GRK2: variants seen among roughly 807,000 people sequenced by gnomAD.
GRK2 encodes the protein G protein-coupled receptor kinase 2, also known as adrenergic beta receptor kinase 1.
Under a neutral mutation model 97.8 loss-of-function variants are expected in GRK2, and 23 were observed. That is an observed-to-expected ratio of 0.24 (90% CI 0.17 to 0.33). The LOEUF is 0.33. Among genes scored for constraint, GRK2 ranks in the 10% least tolerant of loss-of-function variants. The probability of loss-of-function intolerance (pLI) is 1.00; values close to 1 mark genes in which losing one functional copy is unlikely to be tolerated. For synonymous variants in GRK2, 425 were observed against 381.7 expected (o/e 1.11, Z -1.32); for missense variants, 633 against 956.9 (o/e 0.66, Z 4.47).
intron 1 of GRK2, among the ~76,000 whole-genome samples, chr11:67,267,537 C>T (rs1859824854): frequency 6.6e-6 from 1 of 152,220 alleles, no homozygotes; most frequent in African/African-American, 2.4e-5. Context: ...CTACATTTCT[C>T]CTCTGGCAGG....
intron 15 of GRK2, 105 bp downstream of exon 15, chr11:67,283,333 G>A: frequency 1.9e-6 from 2 of 1,055,814 alleles, no homozygotes; most frequent in Non-Finnish European, 2.9e-6. Flanking sequence ...CCTCCTTGGA[G>A]GAGCTCATAA....
chr11:67,279,474 G>T lies in GRK2; in HGVS notation c.321G>T (p.Glu107Asp). 1 of 1,613,302 alleles carries T rather than the reference G, an allele frequency of 6.2e-7. No individual in the cohort carries two copies. Among genetic ancestry groups the T allele is most frequent in the Non-Finnish European group, 8.5e-7 (1 of 1,180,028 alleles). The change falls in exon 4 of 21, where the codon GAG (glutamate) becomes GAT (aspartate). Residue 107 changes from glutamate to aspartate, a missense_variant. Physicochemically the swap from Glu to Asp is conservative, Grantham distance 45. Coordinates refer to ENST00000308595, the MANE Select transcript of GRK2 (RefSeq NM_001619.5). The part of the protein sequence containing the change: ...TEEERVARSR[E>D]IFDSYIMKEL... ...AGGAGCGTGTGGCCCGCAGCCGGGA[G>T]ATCTTCGACTCATACATCATGAAGG...
At chr11:67,273,770 G>A (rs1335037441) in intron 1 of GRK2, among the ~76,000 whole-genome samples, 2 of 152,140 alleles carry the variant, frequency 1.3e-5, no homozygotes, top group African/African-American at 2.4e-5. Context: ...ATGCCCAGGC[G>A]TGGCTGCTGA....
intron 1 of GRK2, among the ~76,000 whole-genome samples, chr11:67,271,198 G>A (rs952533090): frequency 6.6e-6 from 1 of 152,176 alleles, no homozygotes; most frequent in Non-Finnish European, 1.5e-5. Flanking sequence ...ACTCCCCGCC[G>A]GCTCCCCATG....
chr11:67,283,646 C>T (rs1860202896), intron 15 of GRK2, 61 bp from the exon 16 acceptor site: 2 of 1,548,044 alleles, frequency 1.3e-6, no homozygotes, highest in East Asian at 2.3e-5. Flanking sequence ...GTGGCTCAAT[C>T]AGGAGTTAAG....
At position 67,286,228 on chromosome 11, in the gene GRK2, G is replaced by A. The variant is rs943364645; in HGVS notation, c.*778G>A. 1.0e-4 allele frequency: 59 copies of A among 578,592 alleles called. No homozygotes were observed. The highest frequency in any genetic ancestry group is 2.0e-4 in the South Asian group (10 of 49,394). 35.8% of individuals were successfully genotyped at this position (578,592 alleles called of 1,614,324 possible). On this transcript the variant is annotated 3_prime_UTR_variant, in exon 21 of 21. Coordinates refer to ENST00000308595, the MANE Select transcript of GRK2 (RefSeq NM_001619.5). ...GGGTGCGACCCCATCTGCCCAGGAC[G>A]GGGCCGGCCAGGTGGGCGGGCAGCA...
In GRK2 at chr11:67,282,010, G is replaced by A. The variant is rs1425637857; in HGVS notation, c.957+58G>A. On this transcript the variant is annotated intron_variant, in intron 11 of 20. Transcript: ENST00000308595. The surrounding 1 kb of genome is among the most constrained non-coding windows in gnomAD (Gnocchi z 6.9). ...CCGTGGCTGTCCTCTCCTTCCTCTC[G>A]ACATCCCGGCCACCAGGCCCAGAGG... 11 of 1,604,850 alleles carry A rather than the reference G, an allele frequency of 6.9e-6. No homozygotes were observed. Among genetic ancestry groups the A allele is most frequent in the East Asian group, 2.2e-5 (1 of 44,774 alleles).
intron 2 of GRK2, 114 bp from the exon 3 acceptor site, chr11:67,279,086 C>T: frequency 1.1e-6 from 1 of 871,178 alleles, no homozygotes; most frequent in South Asian, 1.4e-5. Context: ...GCCGAGACCA[C>T]CTTTGCCACC....
At chr11:67,284,750 C>T (rs1348171703) in intron 18 of GRK2, 97 bp from the exon 19 acceptor site, 6 of 1,460,078 alleles carry the variant, frequency 4.1e-6, no homozygotes, top group Non-Finnish European at 5.5e-6. Flanking sequence ...GATTGTGCCA[C>T]AGCCCTCCAG....
Position 67,281,398 on chromosome 11 carries a change from T to C in GRK2, c.648-61T>C. 2.7e-6 allele frequency: 4 copies of C among 1,499,324 alleles called. No homozygotes were observed. Among genetic ancestry groups the C allele is most frequent in the South Asian group, 1.1e-5 (1 of 88,608 alleles). The allele number at this position is 1,499,324 out of a possible 1,614,324, so 92.9% of individuals were successfully genotyped here. A position where few individuals can be genotyped will look rare whatever the true frequency, so the allele number is the denominator to read the frequency against. ...TCTAGTCTTTCCCTCAAGCGCCCCC[T>C]GAGGCAGCCCTGGGCCCCTGCTCTG... is the stretch of plus-strand genomic sequence containing the variant. On this transcript the variant is annotated intron_variant, in intron 8 of 20. Coordinates refer to ENST00000308595, the MANE Select transcript of GRK2 (RefSeq NM_001619.5). This position sits in a 1 kb window ranked among gnomAD's most constrained non-coding sequence, Gnocchi z 5.7.
chr11:67,275,283 G>A (rs1017201543), intron 1 of GRK2, among the ~76,000 whole-genome samples: 3 of 152,152 alleles, frequency 2.0e-5, no homozygotes, highest in Non-Finnish European at 4.4e-5. Flanking sequence ...GCCCCCTCTC[G>A]AGGCCGAGGT....
In GRK2 at chr11:67,277,275, C is replaced by T. The variant is rs1860051635; in HGVS notation, c.117C>T (p.Ile39=). ...SKKILLPEPS[I]RSVMQKYLED... ...ACTGCGCCCCCCTGACCCACAGCAT[C>T]CGCAGTGTCATGCAGAAGTACCTGG... The change falls in exon 2 of 21, where the codon ATC becomes ATT. Residue 39 remains isoleucine, a synonymous_variant. Transcript: ENST00000308595. 2 of 1,613,634 alleles carry T rather than the reference C, an allele frequency of 1.2e-6. No individual in the cohort carries two copies. Among genetic ancestry groups the T allele is most frequent in the Non-Finnish European group, 1.7e-6 (2 of 1,179,948 alleles).
At position 67,274,495 on chromosome 11, in the gene GRK2, C is replaced by CTTTTTTTTTTTTTTTTTTTTTTTTTTTT. The variant is rs57767154; in HGVS notation, c.114-2750_114-2749insTTTTTTTTTTTTTTTTTTTTTTTTTTTT. On this transcript the variant is annotated intron_variant, in intron 1 of 20. Coordinates refer to ENST00000308595, the MANE Select transcript of GRK2 (RefSeq NM_001619.5). The stretch of plus-strand genomic sequence containing the variant: ...TCGCTACCTTCCGCTTGACCAGCAC[C>CTTTTTTTTTTTTTTTTTTTTTTTTTTTT]TTTTTTTTTTTTTTTTTTTTTTTTT... Among the ~76,000 whole-genome samples, 24 of 22,480 alleles carry CTTTTTTTTTTTTTTTTTTTTTTTTTTTT rather than the reference C, an allele frequency of 1.1e-3. 6 individuals carry two copies. The highest frequency in any genetic ancestry group is 7.1e-3 in the South Asian group (2 of 280). The allele number at this position is 22,480 out of a possible 152,430, so 14.7% of individuals were successfully genotyped here. A position where few individuals can be genotyped will look rare whatever the true frequency, so the allele number is the denominator to read the frequency against.
At chr11:67,273,377 G>C (rs1859951920) in intron 1 of GRK2, among the ~76,000 whole-genome samples, 1 of 152,212 alleles carries the variant, frequency 6.6e-6, no homozygotes, top group Non-Finnish European at 1.5e-5. Flanking sequence ...TGCTGACCTG[G>C]GTGGGGGACA....
At chr11:67,267,085 C>T (rs1859817647) in intron 1 of GRK2, among the ~76,000 whole-genome samples, 1 of 152,116 alleles carries the variant, frequency 6.6e-6, no homozygotes, top group South Asian at 2.1e-4. Flanking sequence ...CCCCTGGCCG[C>T]CCTGCTGCTT....
Position 67,281,468 on chromosome 11 carries a change from G to A in GRK2, c.657G>A (p.Met219Ile), listed in dbSNP as rs765388264. The change falls in exon 9 of 21, where the codon ATG becomes ATA. Residue 219 changes from methionine (M) to isoleucine (I), a missense_variant. Around this residue, in one of 4 missense-constraint regions of GRK2, gnomAD observed 192 missense variants for 362.3 expected, o/e 0.53. Transcript: ENST00000308595. This position sits in a 1 kb window ranked among gnomAD's most constrained non-coding sequence, Gnocchi z 5.7. ...RKADTGKMYA[M>I]KCLDKKRIKM... ...GACCTCTGCCCCGTAGGTACGCCAT[G>A]AAGTGCCTGGACAAAAAGCGCATCA... 3 of 1,613,582 alleles carry A rather than the reference G, an allele frequency of 1.9e-6. No homozygotes were observed. Among genetic ancestry groups the A allele is most frequent in the South Asian group, 1.1e-5 (1 of 91,088 alleles).
rs1860264991 is a variant in GRK2 at position 67,285,716 on chromosome 11, C to G, written c.*266C>G. The G allele has an allele frequency of 2.0e-6, 1 of 489,796 alleles. No individual in the cohort carries two copies. The highest frequency in any genetic ancestry group is 3.6e-6 in the Non-Finnish European group (1 of 277,544). The allele number at this position is 489,796 out of a possible 1,614,324, so 30.3% of individuals were successfully genotyped here. A position where few individuals can be genotyped will look rare whatever the true frequency, so the allele number is the denominator to read the frequency against. ...GAAGAGCACAGCCCTCCCGCCCCTT[C>G]CCCGAGGGATGATGCCACACCAAGC... is the stretch of plus-strand genomic sequence containing the variant. On this transcript the variant is annotated 3_prime_UTR_variant, in exon 21 of 21. Transcript: ENST00000308595.
chr11:67,285,389 C>T lies in GRK2; in HGVS notation c.2009C>T (p.Ser670Leu), dbSNP rs1353635469. 1.9e-6 allele frequency: 3 copies of T among 1,609,116 alleles called. No homozygotes were observed. Among genetic ancestry groups the T allele is most frequent in the African/African-American group, 2.7e-5 (2 of 74,900 alleles). The change falls in exon 21 of 21, where the codon TCG becomes TTG. Residue 670 changes from serine to leucine, a missense_variant. By Grantham distance (145) the Ser-to-Leu change is moderately radical (BLOSUM62 -2). Coordinates refer to ENST00000308595, the MANE Select transcript of GRK2 (RefSeq NM_001619.5). ...RVPKMKNKPRSPVVELSKVPL... is the reference protein window; with the variant it reads ...RVPKMKNKPRLPVVELSKVPL... Reference sequence around the variant, plus strand: ...CCCAAGATGAAGAACAAGCCGCGCTCGCCCGTGGTGGAGCTGAGCAAGGTG... The same window carrying T: ...CCCAAGATGAAGAACAAGCCGCGCTTGCCCGTGGTGGAGCTGAGCAAGGTG...
Position 67,282,393 on chromosome 11 carries a change from C to T in GRK2, c.1052+28C>T, listed in dbSNP as rs1338040962. 2.5e-6 allele frequency: 4 copies of T among 1,612,006 alleles called. No homozygotes were observed. In the South Asian group the frequency reaches 4.4e-5, roughly 18 times the overall value. On this transcript the variant is annotated intron_variant, in intron 12 of 20. Coordinates refer to ENST00000308595, the MANE Select transcript of GRK2 (RefSeq NM_001619.5). The surrounding 1 kb of genome is among the most constrained non-coding windows in gnomAD (Gnocchi z 6.9). ...GAGTGCCCCCCACCCTCTCCCTCCC[C>T]ACCCCTTGCCACTCCCGCTTATGGC...
Sources: allele counts gnomAD v4.1 joint callset (sites outside exome capture counted in the v4.1 genomes callset), GRCh38; gene constraint gnomAD v4.1.1; regional missense constraint gnomAD v4.1.1; non-coding constraint Gnocchi (gnomAD v3.1); transcripts MANE v1.5; gene names NCBI Gene and HGNC (gene_info 2026-07-23, HGNC 2026-07-21).